LYN: variants seen among roughly 807,000 people sequenced by gnomAD.
LYN encodes the protein LYN proto-oncogene, Src family tyrosine kinase.
A neutral mutation model predicts 65.0 loss-of-function variants in LYN; 12 were observed. That is an observed-to-expected ratio of 0.18 (90% CI 0.12 to 0.30). The LOEUF (loss-of-function observed/expected upper bound fraction) is 0.30. Among genes scored for constraint, LYN ranks in the 10% least tolerant of loss-of-function variants. The pLI is 1.00. For missense variants in LYN, 380 were observed against 623.2 expected (o/e 0.61, Z 4.16); for synonymous variants, 222 against 221.2 (o/e 1.00, Z -0.03).
intron 1 of LYN, among the ~76,000 whole-genome samples, chr8:55,924,339 T>G (rs1806031977): frequency 6.6e-6 from 1 of 151,922 alleles, no homozygotes; most frequent in African/African-American, 2.4e-5. Context: ...TTCTCAATTT[T>G]ATGGCACTTC....
At chr8:55,932,197 T>A (rs1806290068) in intron 1 of LYN, among the ~76,000 whole-genome samples, 1 of 152,104 alleles carries the variant, frequency 6.6e-6, no homozygotes, top group South Asian at 2.1e-4. Flanking sequence ...GACATTAAGG[T>A]TGAAGAATTT....
chr8:55,892,433 C>A (rs12678731), intron 1 of LYN, among the ~76,000 whole-genome samples: 136,106 of 152,240 alleles, frequency 0.89, 60,948 homozygotes, highest in East Asian at 0.98. Flanking sequence ...AAAATAAATA[C>A]ATAAAAAAGT....
intron 1 of LYN, among the ~76,000 whole-genome samples, chr8:55,937,385 G>A: frequency 6.6e-6 from 1 of 152,098 alleles, no homozygotes; most frequent in Admixed American, 6.6e-5. Flanking sequence ...TTTTCAATCA[G>A]CAATTCTTGA....
At chr8:55,969,459 T>A (rs571272939) in intron 9 of LYN, among the ~76,000 whole-genome samples, 1 of 152,314 alleles carries the variant, frequency 6.6e-6, no homozygotes, top group Admixed American at 6.5e-5. Context: ...CTCAGACACC[T>A]GTAGTGAGAA....
chr8:55,935,406 A>G (rs187504843), intron 1 of LYN, among the ~76,000 whole-genome samples: 218 of 152,286 alleles, frequency 1.4e-3, no homozygotes, highest in African/African-American at 5.1e-3. Context: ...TGACCATGGT[A>G]TGTAAGGCAA....
chr8:55,896,419 C>T (rs898054225), intron 1 of LYN, among the ~76,000 whole-genome samples: 32 of 152,078 alleles, frequency 2.1e-4, no homozygotes, highest in Non-Finnish European at 1.2e-4. Context: ...AAACCAAACA[C>T]GGCATGTTCT....
chr8:55,907,067 G>A (rs1414600358), intron 1 of LYN, among the ~76,000 whole-genome samples: 1 of 152,126 alleles, frequency 6.6e-6, no homozygotes, highest in Non-Finnish European at 1.5e-5. Context: ...CATGACCAAG[G>A]AATTCCACTT....
At chr8:55,881,644 G>C (rs1804656161) in intron 1 of LYN, among the ~76,000 whole-genome samples, 1 of 152,168 alleles carries the variant, frequency 6.6e-6, no homozygotes, top group Non-Finnish European at 1.5e-5. Flanking sequence ...AGATGTAAGG[G>C]GAGAGAAAGT....
At chr8:55,948,168 C>G (rs969701806) in intron 4 of LYN, among the ~76,000 whole-genome samples, 3 of 152,056 alleles carry the variant, frequency 2.0e-5, no homozygotes, top group Admixed American at 6.6e-5. Flanking sequence ...GAGATGGGAT[C>G]TTGTTATGTT....
intron 7 of LYN, among the ~76,000 whole-genome samples, chr8:55,952,715 T>A (rs1420381890): frequency 6.6e-6 from 1 of 152,230 alleles, no homozygotes; most frequent in African/African-American, 2.4e-5. Context: ...AAATATATAT[T>A]GTCTTTGCAT....
intron 1 of LYN, among the ~76,000 whole-genome samples, chr8:55,892,211 A>G (rs1312038770): frequency 1.3e-5 from 2 of 152,228 alleles, no homozygotes; most frequent in Non-Finnish European, 2.9e-5. Flanking sequence ...TCACGAGGTC[A>G]GGAGTTCAAG....
At chr8:55,983,516 G>C (rs1313651463) in intron 10 of LYN, among the ~76,000 whole-genome samples, 2 of 152,020 alleles carry the variant, frequency 1.3e-5, no homozygotes, top group African/African-American at 4.8e-5. Flanking sequence ...ACTATGCTCA[G>C]TTTCCCCCAG....
chr8:55,952,088 A>T lies in LYN; in HGVS notation c.610A>T (p.Ile204Phe). The T allele has an allele frequency of 6.3e-7, 1 of 1,597,142 alleles. No homozygotes were observed. The highest frequency in any genetic ancestry group is 1.4e-5 in the African/African-American group (1 of 73,790). The change falls in exon 7 of 13, where the codon ATC becomes TTC. Residue 204 changes from isoleucine to phenylalanine, a missense_variant. Ile to Phe is a conservative substitution (Grantham distance 21). Transcript: ENST00000519728. The stretch of plus-strand genomic sequence containing the variant: ...CTCTCCACGAATCACTTTTCCCTGT[A>T]TCAGCGACATGATTAAACATTACCA... ...YISPRITFPCISDMIKHYQKQ... is the reference protein window; with the variant it reads ...YISPRITFPCFSDMIKHYQKQ...
intron 10 of LYN, among the ~76,000 whole-genome samples, chr8:55,992,820 A>C (rs1318144873): frequency 6.6e-6 from 1 of 152,186 alleles, no homozygotes; most frequent in Non-Finnish European, 1.5e-5. Flanking sequence ...GAAGGGCACA[A>C]AAAGGGTCAA....
chr8:55,915,260 A>G (rs1805750811), intron 1 of LYN, among the ~76,000 whole-genome samples: 1 of 152,200 alleles, frequency 6.6e-6, no homozygotes, highest in Admixed American at 6.5e-5. Context: ...TCTTGTGAAC[A>G]TACACACCGC....
chr8:55,979,006 T>A (rs1807839874), intron 10 of LYN, among the ~76,000 whole-genome samples: 1 of 151,578 alleles, frequency 6.6e-6, no homozygotes, highest in Admixed American at 6.6e-5. Context: ...TTGAAAAAAA[T>A]GTGATTTTTC....
chr8:55,912,533 C>T (rs1049851761), intron 1 of LYN, among the ~76,000 whole-genome samples: 4 of 152,084 alleles, frequency 2.6e-5, no homozygotes, highest in African/African-American at 9.7e-5. Context: ...CGAGACCAGC[C>T]TGGCCAACGT....
intron 1 of LYN, among the ~76,000 whole-genome samples, chr8:55,880,436 G>C (rs769966767): frequency 6.6e-6 from 1 of 152,228 alleles, no homozygotes; most frequent in South Asian, 2.1e-4. Context: ...GTGAGGGCCC[G>C]AGGGCCGGCT....
chr8:55,901,058 G>A (rs1805247081), intron 1 of LYN, among the ~76,000 whole-genome samples: 1 of 152,096 alleles, frequency 6.6e-6, no homozygotes, highest in Non-Finnish European at 1.5e-5. Context: ...AGCAAAACTG[G>A]TTTATTGGGA....
Sources: allele counts gnomAD v4.1 joint callset (sites outside exome capture counted in the v4.1 genomes callset), GRCh38; gene constraint gnomAD v4.1.1; transcripts MANE v1.5; gene names NCBI Gene and HGNC (gene_info 2026-07-23, HGNC 2026-07-21).